Variants in OLFM3 observed in about 807,000 individuals in gnomAD.
The protein encoded by OLFM3 is noelin-3.
Under a neutral mutation model 48.6 loss-of-function variants are expected in OLFM3, and 20 were observed. That is an observed-to-expected ratio of 0.41 (90% CI 0.29 to 0.60). OLFM3 has a LOEUF of 0.60. Among genes scored for constraint, OLFM3 ranks in the 20% least tolerant of loss-of-function variants. The pLI is 0.28. For synonymous variants in OLFM3, 222 were observed against 198.1 expected (o/e 1.12, Z -1.01); for missense variants, 437 against 544.3 (o/e 0.80, Z 1.96).
intron 1 of OLFM3, among the ~76,000 whole-genome samples, chr1:101,946,713 G>C (rs1172216360): frequency 1.3e-5 from 2 of 152,086 alleles, no homozygotes; most frequent in Non-Finnish European, 1.5e-5. Context: ...TAAGGATATA[G>C]CTCCCATGGC....
At chr1:101,914,771 A>G (rs1174950624) in intron 1 of OLFM3, among the ~76,000 whole-genome samples, 1 of 152,190 alleles carries the variant, frequency 6.6e-6, no homozygotes, top group Non-Finnish European at 1.5e-5. Flanking sequence ...CAAAACAATA[A>G]AAGAGTTTTC....
At chr1:101,895,394 C>T (rs17472415) in intron 1 of OLFM3, among the ~76,000 whole-genome samples, 24,355 of 149,476 alleles carry the variant, frequency 0.16, 2,474 homozygotes, top group Middle Eastern at 0.24. Flanking sequence ...GCTATTCTAC[C>T]TTGGTAAAGC....
chr1:101,892,544 A>T (rs1006836870), intron 1 of OLFM3, among the ~76,000 whole-genome samples: 7 of 152,062 alleles, frequency 4.6e-5, no homozygotes, highest in African/African-American at 1.7e-4. Flanking sequence ...TTTGATTTAC[A>T]ATATGTTTGC....
At chr1:101,917,481 A>G (rs981596868) in intron 1 of OLFM3, among the ~76,000 whole-genome samples, 1 of 141,304 alleles carries the variant, frequency 7.1e-6, no homozygotes, top group Non-Finnish European at 1.6e-5. Flanking sequence ...CAGTGGTGGC[A>G]TCCCTGCTCA....
chr1:101,950,736 G>A (rs564031081), intron 1 of OLFM3, among the ~76,000 whole-genome samples: 13 of 152,174 alleles, frequency 8.5e-5, no homozygotes, highest in Middle Eastern at 3.4e-3. Flanking sequence ...GAGCCATTGC[G>A]CGCGGCCTTG....
intron 1 of OLFM3, among the ~76,000 whole-genome samples, chr1:101,987,379 G>A (rs1194954637): frequency 6.6e-6 from 1 of 152,262 alleles, no homozygotes; most frequent in Non-Finnish European, 1.5e-5. Flanking sequence ...CTTATAAAGA[G>A]TAGAATATAT....
At chr1:101,966,201 T>G (rs932460673) in intron 1 of OLFM3, among the ~76,000 whole-genome samples, 3 of 152,130 alleles carry the variant, frequency 2.0e-5, no homozygotes, top group Non-Finnish European at 4.4e-5. Context: ...TGAGCCAGGG[T>G]CTTGCCCTGC....
At chr1:101,850,458 G>T (rs1222310660) in intron 1 of OLFM3, among the ~76,000 whole-genome samples, 1 of 151,870 alleles carries the variant, frequency 6.6e-6, no homozygotes, top group Non-Finnish European at 1.5e-5. Context: ...TATAATATTA[G>T]CATGTTCTGT....
intron 1 of OLFM3, among the ~76,000 whole-genome samples, chr1:101,953,370 C>A (rs1403204741): frequency 6.6e-6 from 1 of 152,106 alleles, no homozygotes; most frequent in Non-Finnish European, 1.5e-5. Flanking sequence ...ATTGTTCATG[C>A]CTGCTTTTGT....
chr1:101,911,345 A>G lies in OLFM3; in HGVS notation c.70-74320T>C, dbSNP rs545666469. ...ATGGAGAGTCAATACCAGAAAAGCAACATTCAAATTTAGACTCTGAGTTGA... is the reference window on the plus strand; with the variant it reads ...ATGGAGAGTCAATACCAGAAAAGCAGCATTCAAATTTAGACTCTGAGTTGA... On this transcript the variant is annotated intron_variant, in intron 1 of 5. Transcript: ENST00000370103. Among the ~76,000 whole-genome samples the G allele has an allele frequency of 3.9e-5, 6 of 152,312 alleles. No individual in the cohort carries two copies. The East Asian group carries it at 9.6e-4, about 24-fold the overall frequency.
intron 4 of OLFM3, among the ~76,000 whole-genome samples, chr1:101,818,203 T>C (rs1654427382): frequency 6.6e-6 from 1 of 152,106 alleles, no homozygotes. Flanking sequence ...ACTTGTGTTA[T>C]GAAATCCCAA....
chr1:101,936,524 A>G (rs1468880586), intron 1 of OLFM3, among the ~76,000 whole-genome samples: 1 of 152,210 alleles, frequency 6.6e-6, no homozygotes, highest in Non-Finnish European at 1.5e-5. Flanking sequence ...TAGAAAGACC[A>G]TACTGCCAAA....
chr1:101,853,830 T>C (rs1235441382), intron 1 of OLFM3, among the ~76,000 whole-genome samples: 1 of 152,068 alleles, frequency 6.6e-6, no homozygotes, highest in Non-Finnish European at 1.5e-5. Context: ...TGAAACATTA[T>C]GCTTATAGTT....
At chr1:101,864,482 A>G (rs1042003591) in intron 1 of OLFM3, among the ~76,000 whole-genome samples, 1 of 152,160 alleles carries the variant, frequency 6.6e-6, no homozygotes, top group African/African-American at 2.4e-5. Context: ...TTACTGAAGT[A>G]TTTTTATTTA....
At chr1:101,882,316 CATAT>C (rs1177975157) in intron 1 of OLFM3, among the ~76,000 whole-genome samples, 1 of 115,028 alleles carries the variant, frequency 8.7e-6, no homozygotes, top group African/African-American at 3.2e-5. Flanking sequence ...AATATAAGTG[CATAT>C]ATATATATAT....
At position 101,996,878 on chromosome 1, in the gene OLFM3, G is replaced by C; in HGVS notation, c.-62C>G. 6.5e-7 allele frequency: 1 copy of C among 1,546,012 alleles called. No homozygotes were observed. The highest frequency in any genetic ancestry group is 2.3e-5 in the East Asian group (1 of 44,294). ...ATGTAGGCTCTCCACTCACTGCAGA[G>C]ACCTTTCCCTCGTCAGTTGCACTTT... On this transcript the variant is annotated 5_prime_UTR_variant, in exon 1 of 6. Coordinates refer to ENST00000370103, the MANE Select transcript of OLFM3 (RefSeq NM_058170.4).
chr1:101,859,451 T>C (rs1656561003), intron 1 of OLFM3, among the ~76,000 whole-genome samples: 1 of 151,940 alleles, frequency 6.6e-6, no homozygotes, highest in Non-Finnish European at 1.5e-5. Flanking sequence ...TTGTGAATAA[T>C]TAGATGCAAA....
intron 1 of OLFM3, among the ~76,000 whole-genome samples, chr1:101,987,697 T>C (rs947658075): frequency 7.2e-5 from 11 of 152,170 alleles, no homozygotes; most frequent in African/African-American, 2.4e-4. Flanking sequence ...TCTTGCCATC[T>C]GGAATTGGTC....
chr1:101,828,160 A>G (rs151234520), intron 3 of OLFM3, among the ~76,000 whole-genome samples: 1 of 151,938 alleles, frequency 6.6e-6, no homozygotes, highest in South Asian at 2.1e-4. Context: ...GCCATGCAGA[A>G]CTGTAAGTCA....
Sources: allele counts gnomAD v4.1 joint callset (sites outside exome capture counted in the v4.1 genomes callset), GRCh38; gene constraint gnomAD v4.1.1; transcripts MANE v1.5; gene names NCBI Gene and HGNC (gene_info 2026-07-23, HGNC 2026-07-21).